The following ZNF536 variants were observed in gnomAD, a reference collection of about 807,000 sequenced individuals.
ZNF536 encodes the protein zinc finger protein 536.
In ZNF536, 13 loss-of-function variants were observed where a neutral mutation model predicts 84.5. The observed-to-expected ratio is 0.15, with a 90% CI of 0.10 to 0.24. The LOEUF (loss-of-function observed/expected upper bound fraction) is 0.24, where lower values mean the gene tolerates loss of function less well. Ranked by LOEUF, ZNF536 falls within the 10% of genes least tolerant of loss-of-function variation. The pLI is 1.00. For synonymous variants in ZNF536, 811 were observed against 742.5 expected (o/e 1.09, Z -1.50); for missense variants, 1,536 against 1,747.5 (o/e 0.88, Z 2.16).
At chr19:30,544,668 A>G (rs928009294) in intron 3 of ZNF536, among the ~76,000 whole-genome samples, 1 of 152,198 alleles carries the variant, frequency 6.6e-6, no homozygotes, top group African/African-American at 2.4e-5. Context: ...GGGAGGTTTC[A>G]GGTGTTTATT....
rs756795445 is a variant in ZNF536 at position 30,444,923 on chromosome 19, G to T, written c.1361G>T (p.Gly454Val). 6.2e-7 allele frequency: 1 copy of T among 1,611,142 alleles called. No individual in the cohort carries two copies. Among genetic ancestry groups the T allele is most frequent in the East Asian group, 2.2e-5 (1 of 44,846 alleles). ...CTGAGCGAGCCCAGCCAGCTCTATG[G>T]CAAGGGCGAGCTGCCCATGAAGGAG... ...AGLSEPSQLY[G>V]KGELPMKEKE... is the part of the protein sequence containing the mutation. The change falls in exon 2 of 5, where the codon GGC becomes GTC. Residue 454 changes from glycine (G) to valine (V), a missense_variant. Physicochemically the swap from Gly to Val is moderately radical, Grantham distance 109. Coordinates refer to ENST00000355537, the MANE Select transcript of ZNF536 (RefSeq NM_014717.3).
In ZNF536 at chr19:30,271,601, C is replaced by A. The variant is rs570288105; in HGVS notation, c.-189-12471C>A. Among the ~76,000 whole-genome samples the A allele has an allele frequency of 8.3e-4, 127 of 152,270 alleles. 2 individuals carry two copies. The South Asian group carries it at 0.012, about 14-fold the overall frequency. ...CACCATTCTCTCGCCATGTTCCTAG[C>A]AGCCTCCACGTTCCTGCTAGTTTCT... On this transcript the variant is annotated intron_variant, in intron 1 of 5. Transcript: ENST00000585628.
chr19:30,486,243 C>A (rs987491886), intron 2 of ZNF536, among the ~76,000 whole-genome samples: 6 of 152,292 alleles, frequency 3.9e-5, no homozygotes, highest in African/African-American at 1.4e-4. Context: ...TATTCTGATG[C>A]TCTCCCTCCC....
chr19:30,629,364 C>T (rs1355059589), intron 1 of ZNF536, among the ~76,000 whole-genome samples: 1 of 151,964 alleles, frequency 6.6e-6, no homozygotes, highest in Non-Finnish European at 1.5e-5. Context: ...CGTGCCTTTC[C>T]AATTTTGTAT....
In ZNF536 at chr19:30,505,270, T is replaced by TAA. The variant is rs2055123290; in HGVS notation, c.2171-29577_2171-29576insAA. Among the ~76,000 whole-genome samples, 6 of 147,722 alleles carry TAA rather than the reference T, an allele frequency of 4.1e-5. 1 individual carries two copies. The highest frequency in any genetic ancestry group is 1.5e-4 in the African/African-American group (6 of 40,796). ...TTATTAATATATAATACATTACATA[T>TAA]TATATACTAATAAATATTCTATAAA... On this transcript the variant is annotated intron_variant, in intron 2 of 4. Coordinates refer to ENST00000355537, the MANE Select transcript of ZNF536 (RefSeq NM_014717.3).
chr19:30,487,611 T>A (rs191120808), intron 2 of ZNF536, among the ~76,000 whole-genome samples: 27 of 152,342 alleles, frequency 1.8e-4, no homozygotes, highest in South Asian at 8.3e-4. Context: ...TTCCATAAAA[T>A]TTTTTAAGAA....
chr19:30,563,657 G>A (rs767541834), intron 1 of ZNF536, among the ~76,000 whole-genome samples: 4 of 152,328 alleles, frequency 2.6e-5, no homozygotes, highest in Non-Finnish European at 5.9e-5. Flanking sequence ...TGTTGGGGTG[G>A]TTTTGTGAAG....
intron 2 of ZNF536, among the ~76,000 whole-genome samples, chr19:30,346,837 AT>A (rs569951361): frequency 2.0e-3 from 309 of 152,332 alleles, no homozygotes; most frequent in Non-Finnish European, 3.2e-3. Context: ...TAACAGAACA[AT>A]TTATGTTCCT....
chr19:30,451,870 C>T (rs2052623463), intron 2 of ZNF536, among the ~76,000 whole-genome samples: 1 of 152,108 alleles, frequency 6.6e-6, no homozygotes, highest in African/African-American at 2.4e-5. Context: ...TTCATTTAAA[C>T]CTAAATTTAA....
chr19:30,493,652 C>G (rs982089485), intron 2 of ZNF536, among the ~76,000 whole-genome samples: 4 of 152,080 alleles, frequency 2.6e-5, no homozygotes, highest in African/African-American at 9.7e-5. Context: ...CTGTCTCTGT[C>G]CTTTAGAAGT....
At chr19:30,649,021 A>T (rs1447226336) in intron 1 of ZNF536, among the ~76,000 whole-genome samples, 1 of 152,080 alleles carries the variant, frequency 6.6e-6, no homozygotes, top group Non-Finnish European at 1.5e-5. Context: ...CTTCAGGGCG[A>T]TGGGGTAGGA....
At chr19:30,419,599 G>A (rs539479838) in intron 1 of ZNF536, among the ~76,000 whole-genome samples, 4 of 152,248 alleles carry the variant, frequency 2.6e-5, no homozygotes, top group African/African-American at 4.8e-5. Flanking sequence ...ATGTTGCTTC[G>A]CTATTTTAAA....
chr19:30,628,538 C>T (rs2048773755), intron 1 of ZNF536, among the ~76,000 whole-genome samples: 1 of 150,948 alleles, frequency 6.6e-6, no homozygotes. Flanking sequence ...ACGCCATTCT[C>T]CTGCCTCAGC....
intron 1 of ZNF536, among the ~76,000 whole-genome samples, chr19:30,639,126 C>A (rs559289675): frequency 6.6e-6 from 1 of 152,208 alleles, no homozygotes; most frequent in South Asian, 2.1e-4. Flanking sequence ...GTCGTATTTC[C>A]TGGTGTTCCT....
intron 2 of ZNF536, among the ~76,000 whole-genome samples, chr19:30,504,169 C>G (rs1367425331): frequency 6.6e-6 from 1 of 152,038 alleles, no homozygotes; most frequent in Admixed American, 6.6e-5. Context: ...CACACATTCT[C>G]TCTTCAACAG....
At chr19:30,671,486 C>T (rs751814506) in intron 1 of ZNF536, among the ~76,000 whole-genome samples, 2 of 152,112 alleles carry the variant, frequency 1.3e-5, no homozygotes, top group African/African-American at 4.8e-5. Context: ...GAGATGATGG[C>T]GGCTTCATCC....
chr19:30,330,490 A>C (rs886504460), intron 2 of ZNF536, among the ~76,000 whole-genome samples: 1 of 152,076 alleles, frequency 6.6e-6, no homozygotes, highest in Non-Finnish European at 1.5e-5. Context: ...GGAGCTGGGG[A>C]TGGGGAGGCC....
rs528671867 is a variant in ZNF536 at position 30,548,580 on chromosome 19, C to G, written c.2961C>G (p.Leu987=). 3.7e-6 allele frequency: 6 copies of G among 1,614,188 alleles called. No individual in the cohort carries two copies. The Admixed American group carries it at 1.0e-4, about 27-fold the overall frequency. Residue 987 remains leucine, a synonymous_variant, in exon 4 of 5, where the codon CTC becomes CTG. Coordinates refer to ENST00000355537, the MANE Select transcript of ZNF536 (RefSeq NM_014717.3). ...CTGTGCGGCCAGATGCCGCCTCCCT[C>G]CCGGGCTCCTCGGTAACTGTGCAGG... is the stretch of plus-strand genomic sequence containing the variant. ...DLSVRPDAAS[L]PGSSVTVQDS...
intron 2 of ZNF536, among the ~76,000 whole-genome samples, chr19:30,327,089 G>T (rs2047065781): frequency 6.6e-6 from 1 of 152,136 alleles, no homozygotes; most frequent in Admixed American, 6.5e-5. Context: ...CTGCACTCCA[G>T]TCTGGGCAAC....
Sources: gnomAD v4.1 joint callset for allele counts (sites outside exome capture counted in the v4.1 genomes callset) on GRCh38, gnomAD v4.1.1 for gene constraint, MANE v1.5 for transcripts, NCBI Gene and HGNC (gene_info 2026-07-23, HGNC 2026-07-21) for gene names.